The following DTX1 variants were observed in gnomAD, a reference collection of about 807,000 sequenced individuals.
DTX1 encodes the protein deltex E3 ubiquitin ligase 1, also known as E3 ubiquitin-protein ligase DTX1.
DTX1 carries 26 observed loss-of-function variants against 57.8 expected under a neutral mutation model. That is an observed-to-expected ratio of 0.45 (90% confidence interval 0.33 to 0.62). The LOEUF is 0.62. Ranked by LOEUF, DTX1 falls within the 20% of genes least tolerant of loss-of-function variation. The pLI, the probability that DTX1 is intolerant of heterozygous loss-of-function variation, is 0.02. For missense variants in DTX1, 704 were observed against 895.3 expected, an observed-to-expected ratio of 0.79 and a Z score of 2.73; for synonymous variants, 398 against 394.1, an observed-to-expected ratio of 1.01 and a Z score of -0.12.
intron 3 of DTX1, among the ~76,000 whole-genome samples, chr12:113,085,559 C>G (rs1054713222): frequency 6.6e-6 from 1 of 152,216 alleles, no homozygotes; most frequent in Non-Finnish European, 1.5e-5. Context: ...TTATCCTTCC[C>G]TGGAGCTGTT....
rs1486137163 is a variant in DTX1 at position 113,058,437 on chromosome 12, T to G, written c.245T>G (p.Phe82Cys). Residue 82 changes from phenylalanine to cysteine, a missense_variant, in exon 2 of 10, where the codon TTT becomes TGT. By Grantham distance (205) the Phe-to-Cys change is radical. Coordinates refer to ENST00000548759, the MANE Select transcript of DTX1 (RefSeq NM_004416.3). The stretch of plus-strand genomic sequence containing the variant: ...ATCGACCTGCAGTCCATGCACCAGT[T>G]TCGCCAGGACACAGGTGAGCAGACA... ...YIIDLQSMHQ[F>C]RQDTGTMRPV... 6.2e-7 allele frequency: 1 copy of G among 1,602,192 alleles called. No homozygotes were observed. The highest frequency in any genetic ancestry group is 8.5e-7 in the Non-Finnish European group (1 of 1,179,092).
At chr12:113,062,032 T>TAC (rs35422556) in intron 2 of DTX1, among the ~76,000 whole-genome samples, 14,730 of 142,364 alleles carry the variant, frequency 0.1, 752 homozygotes, top group South Asian at 0.12. Flanking sequence ...TTATATTTCA[T>TAC]ACACACACAC....
At position 113,077,751 on chromosome 12, in the gene DTX1, C is replaced by T; in HGVS notation, c.587C>T (p.Ser196Leu). The T allele has an allele frequency of 6.5e-7, 1 of 1,530,500 alleles. No individual in the cohort carries two copies. The highest frequency in any genetic ancestry group is 8.7e-7 in the Non-Finnish European group (1 of 1,143,834). The allele number at this position is 1,530,500 out of a possible 1,614,324, so 94.8% of individuals were successfully genotyped here. The change falls in exon 3 of 10, where the codon TCG (serine) becomes TTG (leucine). Residue 196 changes from serine (S) to leucine (L), a missense_variant. Around this residue, in one of 3 missense-constraint regions of DTX1, gnomAD observed 237 missense variants for 328.6 expected, o/e 0.72. Coordinates refer to ENST00000548759, the MANE Select transcript of DTX1 (RefSeq NM_004416.3). The surrounding 1 kb of genome is among the most constrained non-coding windows in gnomAD (Gnocchi z 7.8). ...KSQSWPVGAS[S>L]GQPCSCQQCL... ...CAGTCGTGGCCCGTGGGCGCCAGCT[C>T]GGGCCAGCCCTGCTCCTGCCAGCAG... is the stretch of plus-strand genomic sequence containing the variant.
chr12:113,075,564 T>G (rs374290777), intron 2 of DTX1, among the ~76,000 whole-genome samples: 27 of 152,328 alleles, frequency 1.8e-4, no homozygotes, highest in East Asian at 1.7e-3. Flanking sequence ...GCCTGGACCT[T>G]GGGTTATCTC....
rs139147166 is a variant in DTX1, at chr12:113,088,323, C to T, written c.942-4839C>T. Among the ~76,000 whole-genome samples the T allele has an allele frequency of 4.7e-4, 72 of 152,274 alleles. 1 individual carries two copies. Among genetic ancestry groups the T allele is most frequent in the East Asian group, 3.7e-3 (19 of 5,168 alleles). ...ATTCTGAAGTTGCATCTTGGCTTAG[C>T]GGTAAGGCATGCCGAAATTGATTAG... On this transcript the variant is annotated intron_variant, in intron 3 of 9. Coordinates refer to ENST00000548759, the MANE Select transcript of DTX1 (RefSeq NM_004416.3).
Position 113,097,216 on chromosome 12 carries a change from T to C in DTX1, c.*277T>C. 1 of 445,612 alleles carries C rather than the reference T, an allele frequency of 2.2e-6. No individual in the cohort carries two copies. The allele number at this position is 445,612 out of a possible 1,614,324, so 27.6% of individuals were successfully genotyped here. A position where few individuals can be genotyped will look rare whatever the true frequency, so the allele number is the denominator to read the frequency against. On this transcript the variant is annotated 3_prime_UTR_variant, in exon 10 of 10. Transcript: ENST00000548759. ...CCGCCCCCTCACACACAAACACACA[T>C]GTCCTGTTGAACTCATGCACGCACA...
At chr12:113,079,725 T>TGTGC (rs1555233529) in intron 3 of DTX1, among the ~76,000 whole-genome samples, 1 of 150,852 alleles carries the variant, frequency 6.6e-6, no homozygotes, top group African/African-American at 2.4e-5. Flanking sequence ...TGTGTGTGTG[T>TGTGC]GTGTGTGTGT....
intron 2 of DTX1, among the ~76,000 whole-genome samples, chr12:113,074,130 G>A (rs1305513387): frequency 6.6e-6 from 1 of 152,156 alleles, no homozygotes; most frequent in African/African-American, 2.4e-5. Context: ...TTGGGAGTCT[G>A]AGGCAGGAGA....
intron 2 of DTX1, among the ~76,000 whole-genome samples, chr12:113,062,032 TACACACAC>T (rs35422556): frequency 0.087 from 12,413 of 142,412 alleles, 516 homozygotes; most frequent in Middle Eastern, 0.097. Flanking sequence ...TTATATTTCA[TACACACAC>T]ACACACACAC....
chr12:113,081,746 C>T (rs746068757), intron 3 of DTX1, among the ~76,000 whole-genome samples: 31 of 151,876 alleles, frequency 2.0e-4, no homozygotes, highest in Non-Finnish European at 4.3e-4. Context: ...GAGTGAGGCG[C>T]CAGCAAGAAG....
At chr12:113,068,731 A>G (rs1214267071) in intron 2 of DTX1, among the ~76,000 whole-genome samples, 1 of 152,172 alleles carries the variant, frequency 6.6e-6, no homozygotes, top group African/African-American at 2.4e-5. Flanking sequence ...TCCAGCCTTG[A>G]GTCTGTGAAA....
intron 2 of DTX1, among the ~76,000 whole-genome samples, chr12:113,063,973 C>A (rs546739811): frequency 6.6e-6 from 1 of 152,196 alleles, no homozygotes; most frequent in Non-Finnish European, 1.5e-5. Flanking sequence ...CCCAGACAGG[C>A]CTTAGGGATA....
intron 2 of DTX1, among the ~76,000 whole-genome samples, chr12:113,068,964 C>G (rs1168321618): frequency 6.6e-6 from 1 of 152,222 alleles, no homozygotes; most frequent in African/African-American, 2.4e-5. Flanking sequence ...CTTCACCTCT[C>G]TGTGCTTCAC....
chr12:113,085,056 T>C (rs1332428699), intron 3 of DTX1, among the ~76,000 whole-genome samples: 1 of 148,618 alleles, frequency 6.7e-6, no homozygotes, highest in Non-Finnish European at 1.5e-5. Context: ...CCGTACCCTT[T>C]TTTTTTTTTT....
Position 113,093,900 on chromosome 12 carries a change from G to A in DTX1, c.1166-138G>A, listed in dbSNP as rs1950265495. On this transcript the variant is annotated intron_variant, in intron 5 of 9. Coordinates refer to ENST00000548759, the MANE Select transcript of DTX1 (RefSeq NM_004416.3). The surrounding 1 kb of genome is among the most constrained non-coding windows in gnomAD (Gnocchi z 4.2). ...CCAGCAACCCCTGACCTCTGACCCT[G>A]GCCAACCCTTGCCAGCCTGACCCCG... The A allele has an allele frequency of 7.0e-7, 1 of 1,433,344 alleles. No individual in the cohort carries two copies. The highest frequency in any genetic ancestry group is 9.6e-7 in the Non-Finnish European group (1 of 1,042,640). 88.8% of individuals were successfully genotyped at this position (1,433,344 alleles called of 1,614,324 possible). A position where few individuals can be genotyped will look rare whatever the true frequency, so the allele number is the denominator to read the frequency against.
chr12:113,090,641 T>G (rs796247016), intron 3 of DTX1, among the ~76,000 whole-genome samples: 7 of 152,286 alleles, frequency 4.6e-5, no homozygotes, highest in African/African-American at 1.7e-4. Flanking sequence ...TTGACTTCCA[T>G]CACACCGGCG....
chr12:113,088,173 G>A (rs1037065456), intron 3 of DTX1, among the ~76,000 whole-genome samples: 4 of 152,202 alleles, frequency 2.6e-5, no homozygotes, highest in Non-Finnish European at 5.9e-5. Flanking sequence ...GGTGACCTTA[G>A]TGAAGTCATT....
At chr12:113,069,466 T>G (rs578229165) in intron 2 of DTX1, among the ~76,000 whole-genome samples, 7 of 152,280 alleles carry the variant, frequency 4.6e-5, no homozygotes, top group African/African-American at 1.7e-4. Flanking sequence ...CCCACCACCC[T>G]GGCCTGGCTT....
intron 9 of DTX1, chr12:113,095,773 A>G (rs1950285453): frequency 3.5e-6 from 1 of 282,688 alleles, no homozygotes; most frequent in South Asian, 7.1e-5. Flanking sequence ...GCTTTTCAAG[A>G]GCACCAAGAA....
Sources: allele counts gnomAD v4.1 joint callset (sites outside exome capture counted in the v4.1 genomes callset), GRCh38; gene constraint gnomAD v4.1.1; regional missense constraint gnomAD v4.1.1; non-coding constraint Gnocchi (gnomAD v3.1); transcripts MANE v1.5; gene names NCBI Gene and HGNC (gene_info 2026-07-23, HGNC 2026-07-21).